The following FGF1 variants were observed in gnomAD, a reference collection of about 807,000 sequenced individuals.
FGF1 encodes beta-endothelial cell growth factor.
FGF1 carries 9 observed loss-of-function variants against 13.4 expected under a neutral mutation model. The observed-to-expected ratio is 0.67, with a 90% CI of 0.40 to 1.17. FGF1 has a LOEUF of 1.17. Among genes scored for constraint, FGF1 ranks in the 50% most tolerant of loss-of-function variants. The pLI is 0.01. For missense variants in FGF1, 156 were observed against 192.7 expected, an observed-to-expected ratio of 0.81 and a Z score of 1.13; for synonymous variants, 93 against 79.0, an observed-to-expected ratio of 1.18 and a Z score of -0.94.
In FGF1 at chr5:142,612,541, GAC is replaced by G. The variant is rs1177818688; in HGVS notation, c.169+1416_169+1417del. Reference sequence around the variant, plus strand: ...ATCACGTGAGTTGTGTATCATGCCTGACACAATGGACTACAATCTAAGTTTGC... The same window carrying G: ...ATCACGTGAGTTGTGTATCATGCCTGACAATGGACTACAATCTAAGTTTGC... On this transcript the variant is annotated intron_variant, in intron 2 of 3. Coordinates refer to ENST00000337706, the MANE Select transcript of FGF1 (RefSeq NM_000800.5). 3.3e-5 allele frequency among the ~76,000 whole-genome samples: 5 copies of G among 152,256 alleles called. No homozygotes were observed. In the East Asian group the frequency reaches 9.6e-4, roughly 29 times the overall value.
At chr5:142,602,154 T>C (rs1248603175) in intron 2 of FGF1, among the ~76,000 whole-genome samples, 2 of 151,036 alleles carry the variant, frequency 1.3e-5, no homozygotes, top group African/African-American at 4.9e-5. Flanking sequence ...GACCCCTCAT[T>C]GCCTTTTCTT....
intron 1 of FGF1, among the ~76,000 whole-genome samples, chr5:142,628,407 G>A (rs1343059176): frequency 6.6e-6 from 1 of 152,224 alleles, no homozygotes; most frequent in Non-Finnish European, 1.5e-5. Context: ...CTACTCAGGA[G>A]GTTGAGGTAA....
At chr5:142,617,566 C>T (rs1012273466) in intron 1 of FGF1, among the ~76,000 whole-genome samples, 2 of 152,088 alleles carry the variant, frequency 1.3e-5, no homozygotes, top group Non-Finnish European at 2.9e-5. Flanking sequence ...CTGATCCCCT[C>T]AGTGAGAGGG....
chr5:142,668,943 T>C (rs1449134573), intron 1 of FGF1, among the ~76,000 whole-genome samples: 4 of 152,118 alleles, frequency 2.6e-5, no homozygotes, highest in African/African-American at 9.7e-5. Flanking sequence ...CTGGAAGATG[T>C]GGCATCTCAG....
intron 1 of FGF1, among the ~76,000 whole-genome samples, chr5:142,616,788 C>T (rs1216064972): frequency 2.6e-5 from 4 of 152,176 alleles, no homozygotes; most frequent in Non-Finnish European, 5.9e-5. Context: ...TTATCCCTCA[C>T]CTCTCTATTA....
Position 142,618,921 on chromosome 5 carries a change from GTTGTTTTGTTTTTT to G in FGF1, c.-34-4774_-34-4761del, listed in dbSNP as rs1399738342. Among the ~76,000 whole-genome samples the G allele has an allele frequency of 1.4e-4, 15 of 108,374 alleles. 1 individual carries two copies. The highest frequency in any genetic ancestry group is 7.5e-4 in the East Asian group (2 of 2,662). The allele number at this position is 108,374 out of a possible 152,430, so 71.1% of individuals were successfully genotyped here. A position where few individuals can be genotyped will look rare whatever the true frequency, so the allele number is the denominator to read the frequency against. ...GGCAAACACTGACATTTATTTTTTA[GTTGTTTTGTTTTTT>G]TTTTTTTTTTTTTTTTTGAGACGGA... On this transcript the variant is annotated intron_variant, in intron 1 of 3. Transcript: ENST00000337706.
chr5:142,619,096 G>A lies in FGF1; in HGVS notation c.-34-4935C>T, dbSNP rs559743193. Among the ~76,000 whole-genome samples, 726 of 151,732 alleles carry A rather than the reference G, an allele frequency of 4.8e-3. 9 individuals carry two copies. Among genetic ancestry groups the A allele is most frequent in the Middle Eastern group, 0.017 (5 of 294 alleles). The stretch of plus-strand genomic sequence containing the variant: ...ACTACAGGCGCCTGCCACCGCGCCC[G>A]GCTAATTTTTTGTATTTTTAGTAGA... On this transcript the variant is annotated intron_variant, in intron 1 of 3. Transcript: ENST00000337706.
At chr5:142,606,851 A>G (rs1757801392) in intron 2 of FGF1, among the ~76,000 whole-genome samples, 1 of 152,032 alleles carries the variant, frequency 6.6e-6, no homozygotes, top group African/African-American at 2.4e-5. Flanking sequence ...ACACTGGAGG[A>G]CTCTGAGTGA....
chr5:142,608,241 G>C (rs901110586), intron 2 of FGF1, among the ~76,000 whole-genome samples: 2 of 152,044 alleles, frequency 1.3e-5, no homozygotes, highest in African/African-American at 2.4e-5. Context: ...TGGCCTCTAA[G>C]CCTGCTTTCC....
intron 1 of FGF1, among the ~76,000 whole-genome samples, chr5:142,667,550 C>T (rs1770635180): frequency 7.0e-6 from 1 of 143,388 alleles, no homozygotes; most frequent in African/African-American, 2.6e-5. Flanking sequence ...CGGGCCACTG[C>T]ACTCCAGCCT....
rs1051798583 is a variant in FGF1 at position 142,593,554 on chromosome 5, A to T, written c.*1736T>A. ...TTACTTCAATTTCATATGAAACAGG[A>T]GCTAACACTCTCATCAATTTTTATT... On this transcript the variant is annotated 3_prime_UTR_variant, in exon 4 of 4. Coordinates refer to ENST00000337706, the MANE Select transcript of FGF1 (RefSeq NM_000800.5). 1 of 152,194 alleles carries T rather than the reference A, an allele frequency of 6.6e-6. No homozygotes were observed. The highest frequency in any genetic ancestry group is 1.5e-5 in the Non-Finnish European group (1 of 68,048). 9.4% of individuals were successfully genotyped at this position (152,194 alleles called of 1,614,324 possible).
In FGF1 at chr5:142,662,966, G is replaced by A. The variant is rs142074526; in HGVS notation, c.-35+22991C>T. On this transcript the variant is annotated intron_variant, in intron 1 of 3. Transcript: ENST00000337706. ...AGCCTCCCAAGCAGCTGGAAGCACA[G>A]GCACGTGCCACTAGGCCCAGATACA... is the stretch of plus-strand genomic sequence containing the variant. Among the ~76,000 whole-genome samples the A allele has an allele frequency of 1.2e-3, 181 of 152,180 alleles. 1 individual carries two copies. Among genetic ancestry groups the A allele is most frequent in the African/African-American group, 4.0e-3 (165 of 41,532 alleles).
chr5:142,615,505 A>G (rs938012486), intron 1 of FGF1, among the ~76,000 whole-genome samples: 1 of 152,106 alleles, frequency 6.6e-6, no homozygotes, highest in Non-Finnish European at 1.5e-5. Flanking sequence ...TACAGGCGTA[A>G]GCCACCGCGC....
intron 2 of FGF1, among the ~76,000 whole-genome samples, chr5:142,610,701 TGCCTGCAGC>T (rs1418355342): frequency 6.6e-6 from 1 of 152,218 alleles, no homozygotes; most frequent in East Asian, 1.9e-4. Flanking sequence ...TATTGGTAAT[TGCCTGCAGC>T]AGCGATCTAA....
rs1489357638 is a variant in FGF1, at chr5:142,595,586, C to T, written c.274-102G>A. ...TGACATTGGGCAAAATACTAAAGCT[C>T]TCCATGCCTCAGTCTCCTTTTCAGG... is the stretch of plus-strand genomic sequence containing the variant. On this transcript the variant is annotated intron_variant, in intron 3 of 3. Transcript: ENST00000337706. 27 of 909,912 alleles carry T rather than the reference C, an allele frequency of 3.0e-5. No homozygotes were observed. In the East Asian group the frequency reaches 6.9e-4, roughly 23 times the overall value. The allele number at this position is 909,912 out of a possible 1,614,324, so 56.4% of individuals were successfully genotyped here.
At chr5:142,656,299 A>AAGTGTTAT (rs1431442332) in intron 1 of FGF1, among the ~76,000 whole-genome samples, 2 of 152,072 alleles carry the variant, frequency 1.3e-5, no homozygotes, top group Admixed American at 6.5e-5. Flanking sequence ...TTATCAGGTT[A>AAGTGTTAT]ATAAGTGTTA....
chr5:142,663,725 C>T (rs1769749444), intron 1 of FGF1, among the ~76,000 whole-genome samples: 1 of 152,190 alleles, frequency 6.6e-6, no homozygotes, highest in Non-Finnish European at 1.5e-5. Flanking sequence ...CTTCGTTCCA[C>T]CTCTCTCGCC....
In FGF1 at chr5:142,601,207, T is replaced by C. The variant is rs1331133321; in HGVS notation, c.170-402A>G. Reference sequence around the variant, plus strand: ...AATCTTGGGATGCCATAGAGTAGGATCTGGCCAGCCTGCATGTGTTCTGCT... The same window carrying C: ...AATCTTGGGATGCCATAGAGTAGGACCTGGCCAGCCTGCATGTGTTCTGCT... On this transcript the variant is annotated intron_variant, in intron 2 of 3. Transcript: ENST00000337706. The C allele has an allele frequency of 1.5e-5, 7 of 467,402 alleles. No homozygotes were observed. In the East Asian group the frequency reaches 2.6e-4, roughly 17 times the overall value. 29.0% of individuals were successfully genotyped at this position (467,402 alleles called of 1,614,324 possible).
At chr5:142,628,409 T>G (rs562384069) in intron 1 of FGF1, among the ~76,000 whole-genome samples, 1 of 151,714 alleles carries the variant, frequency 6.6e-6, no homozygotes, top group African/African-American at 2.4e-5. Flanking sequence ...ACTCAGGAGG[T>G]TGAGGTAAGA....
Sources: allele counts gnomAD v4.1 joint callset (sites outside exome capture counted in the v4.1 genomes callset), GRCh38; gene constraint gnomAD v4.1.1; transcripts MANE v1.5; gene names NCBI Gene and HGNC (gene_info 2026-07-23, HGNC 2026-07-21).